The following USP32 variants were observed in gnomAD, a reference collection of about 807,000 sequenced individuals.
USP32 encodes the protein ubiquitin carboxyl-terminal hydrolase 32.
A neutral mutation model predicts 204.8 loss-of-function variants in USP32; 59 were observed. The ratio of observed to expected loss-of-function variants is 0.29; its 90% CI spans 0.23 to 0.36. USP32 has a LOEUF of 0.36. USP32 is among the 10% of genes least tolerant of loss of function. USP32 has a pLI of 1.00. For missense variants in USP32, 1,160 were observed against 1,946.4 expected (o/e 0.60, Z 7.60); for synonymous variants, 517 against 678.4 (o/e 0.76, Z 3.70).
At chr17:60,361,429 A>G (rs1212790462) in intron 1 of USP32, among the ~76,000 whole-genome samples, 5 of 152,158 alleles carry the variant, frequency 3.3e-5, no homozygotes, top group Non-Finnish European at 5.9e-5. Context: ...AACATTAGTA[A>G]TATACAGGTA....
rs570707875 is a variant in USP32 at position 60,231,156 on chromosome 17, T to C, written c.1240-4925A>G. 6.6e-4 allele frequency among the ~76,000 whole-genome samples: 100 copies of C among 152,356 alleles called. 3 individuals carry two copies. In the South Asian group the frequency reaches 0.02, roughly 31 times the overall value. ...AGATTTTAGGATTCCCTGTGAGTTGTATAAATAGTTTATGTGTTCTAAAAT... is the reference window on the plus strand; with the variant it reads ...AGATTTTAGGATTCCCTGTGAGTTGCATAAATAGTTTATGTGTTCTAAAAT... On this transcript the variant is annotated intron_variant, in intron 12 of 33. Transcript: ENST00000300896.
intron 1 of USP32, among the ~76,000 whole-genome samples, chr17:60,346,038 T>C (rs1382641207): frequency 6.6e-6 from 1 of 152,098 alleles, no homozygotes; most frequent in East Asian, 1.9e-4. Flanking sequence ...ATTACACTTC[T>C]TTTTTGGTTA....
intron 1 of USP32, among the ~76,000 whole-genome samples, chr17:60,357,444 C>A (rs996699005): frequency 8.6e-5 from 13 of 152,036 alleles, no homozygotes; most frequent in South Asian, 2.1e-4. Flanking sequence ...CAGAGCAAGA[C>A]CCTGTCTCTT....
intron 1 of USP32, among the ~76,000 whole-genome samples, chr17:60,362,434 C>T (rs928650407): frequency 6.6e-6 from 1 of 152,100 alleles, no homozygotes; most frequent in Admixed American, 6.6e-5. Context: ...GTAAAATATG[C>T]CACTATAAAA....
chr17:60,201,745 G>T (rs545656428), intron 26 of USP32, among the ~76,000 whole-genome samples: 8 of 150,658 alleles, frequency 5.3e-5, no homozygotes, highest in African/African-American at 1.5e-4. Flanking sequence ...TGCAACCTCT[G>T]CCTCTGGGGT....
intron 2 of USP32, among the ~76,000 whole-genome samples, chr17:60,315,273 G>A (rs1374729194): frequency 2.0e-5 from 3 of 152,084 alleles, no homozygotes; most frequent in African/African-American, 7.2e-5. Context: ...GGCGGTGTGC[G>A]CCTGTAGTCC....
At chr17:60,404,157 A>G (rs953708616) in intron 1 of USP32, among the ~76,000 whole-genome samples, 5 of 152,202 alleles carry the variant, frequency 3.3e-5, no homozygotes, top group African/African-American at 1.2e-4. Context: ...GACTGCTTAA[A>G]TGATGGAATG....
chr17:60,304,140 C>T (rs2087661418), intron 2 of USP32, among the ~76,000 whole-genome samples: 1 of 151,228 alleles, frequency 6.6e-6, no homozygotes, highest in Non-Finnish European at 1.5e-5. Flanking sequence ...TTCTCAAAAC[C>T]AAAGATAAAA....
intron 24 of USP32, 87 bp downstream of exon 24, chr17:60,207,972 C>T: frequency 3.4e-6 from 5 of 1,459,162 alleles, no homozygotes; most frequent in South Asian, 1.6e-5. Flanking sequence ...CTCTTGGTCA[C>T]ATAACCTAAC....
chr17:60,402,447 C>T (rs968754030), intron 1 of USP32, among the ~76,000 whole-genome samples: 12 of 151,978 alleles, frequency 7.9e-5, no homozygotes, highest in African/African-American at 2.4e-4. Flanking sequence ...GACAGGGCTT[C>T]ACCACGTTGC....
chr17:60,186,751 G>T (rs1598031521), intron 29 of USP32, among the ~76,000 whole-genome samples: 2 of 152,164 alleles, frequency 1.3e-5, no homozygotes, highest in African/African-American at 4.8e-5. Flanking sequence ...TAAGTTGGGG[G>T]TGGTGTAGAA....
At chr17:60,200,421 G>A (rs1208135388) in intron 26 of USP32, among the ~76,000 whole-genome samples, 2 of 150,656 alleles carry the variant, frequency 1.3e-5, no homozygotes, top group South Asian at 2.1e-4. Flanking sequence ...TTAGCCAGGC[G>A]TGGTGCCGCA....
intron 7 of USP32, among the ~76,000 whole-genome samples, chr17:60,267,783 T>C (rs762266028): frequency 1.3e-5 from 2 of 151,806 alleles, no homozygotes; most frequent in Non-Finnish European, 2.9e-5. Context: ...CCTCCCAAAG[T>C]GCTGGGATTA....
chr17:60,259,210 G>A (rs1487102388), intron 9 of USP32, among the ~76,000 whole-genome samples: 4 of 152,084 alleles, frequency 2.6e-5, no homozygotes, highest in Admixed American at 6.6e-5. Context: ...TCACTTCTAG[G>A]AAACACTGAG....
chr17:60,244,953 T>C (rs940265083), intron 11 of USP32, among the ~76,000 whole-genome samples: 8 of 152,238 alleles, frequency 5.3e-5, no homozygotes, highest in African/African-American at 1.9e-4. Flanking sequence ...CTATGTTTGA[T>C]TGATACTAAT....
chr17:60,279,899 A>T (rs953104401), intron 5 of USP32, among the ~76,000 whole-genome samples: 1 of 151,204 alleles, frequency 6.6e-6, no homozygotes, highest in African/African-American at 2.4e-5. Flanking sequence ...GCAAATTAGG[A>T]TAGAAAAATA....
Position 60,236,123 on chromosome 17 carries a change from A to C in USP32, c.1239+15T>G. The C allele has an allele frequency of 6.2e-7, 1 of 1,605,256 alleles. No homozygotes were observed. The highest frequency in any genetic ancestry group is 8.5e-7 in the Non-Finnish European group (1 of 1,172,452). ...AATCCTGTGAAAAATGTAAATAGAC[A>C]GGAATCTAACTCACGTATTTGACAT... On this transcript the variant is annotated intron_variant, in intron 12 of 33. Coordinates refer to ENST00000300896, the MANE Select transcript of USP32 (RefSeq NM_032582.4).
At chr17:60,196,939 G>C (rs1039396062) in intron 27 of USP32, among the ~76,000 whole-genome samples, 4 of 151,890 alleles carry the variant, frequency 2.6e-5, no homozygotes, top group Non-Finnish European at 5.9e-5. Context: ...CCAGTACTTT[G>C]AGAGGCCGAG....
chr17:60,217,988 C>T (rs1385053888), intron 16 of USP32, among the ~76,000 whole-genome samples: 1 of 152,052 alleles, frequency 6.6e-6, no homozygotes, highest in African/African-American at 2.4e-5. Flanking sequence ...TCTTCCTCCC[C>T]AGTCTCCCAA....
Sources: gnomAD v4.1 joint callset for allele counts (sites outside exome capture counted in the v4.1 genomes callset) on GRCh38, gnomAD v4.1.1 for gene constraint, MANE v1.5 for transcripts, NCBI Gene and HGNC (gene_info 2026-07-23, HGNC 2026-07-21) for gene names.